The following NR3C2 variants were observed in gnomAD, a reference collection of about 807,000 sequenced individuals.
The protein encoded by NR3C2 is nuclear receptor subfamily 3 group C member 2.
In NR3C2, 15 loss-of-function variants were observed where a neutral mutation model predicts 86.4. The ratio of observed to expected loss-of-function variants is 0.17; its 90% CI spans 0.12 to 0.27. NR3C2 has a LOEUF of 0.27. Ranked by LOEUF, NR3C2 falls within the 10% of genes least tolerant of loss-of-function variation. NR3C2 has a pLI of 1.00. For missense variants in NR3C2, 960 were observed against 1,195.6 expected (o/e 0.80, Z 2.91); for synonymous variants, 458 against 450.5 (o/e 1.02, Z -0.21).
intron 2 of NR3C2, among the ~76,000 whole-genome samples, chr4:148,395,684 T>C (rs570296487): frequency 1.3e-5 from 2 of 152,298 alleles, no homozygotes; most frequent in Non-Finnish European, 2.9e-5. Flanking sequence ...TCCAAACTCA[T>C]GACAGAGTAA....
chr4:148,128,515 A>G (rs1732859485), intron 6 of NR3C2, among the ~76,000 whole-genome samples: 1 of 152,228 alleles, frequency 6.6e-6, no homozygotes, highest in Non-Finnish European at 1.5e-5. Flanking sequence ...TTGAGTCTAA[A>G]CACCTTCACG....
At chr4:148,090,840 T>C (rs1731027597) in intron 8 of NR3C2, among the ~76,000 whole-genome samples, 1 of 152,220 alleles carries the variant, frequency 6.6e-6, no homozygotes, top group South Asian at 2.1e-4. Context: ...TCCCCAGTCA[T>C]GAGGGCTTCT....
At chr4:148,188,945 T>G (rs951927659) in intron 4 of NR3C2, among the ~76,000 whole-genome samples, 1 of 150,844 alleles carries the variant, frequency 6.6e-6, no homozygotes, top group Admixed American at 6.6e-5. Flanking sequence ...TTTTTTTTTT[T>G]GAGATGGAAT....
chr4:148,328,448 C>T (rs1744068498), intron 2 of NR3C2, among the ~76,000 whole-genome samples: 1 of 152,166 alleles, frequency 6.6e-6, no homozygotes, highest in Non-Finnish European at 1.5e-5. Context: ...AGCCAAAGCC[C>T]TGACTTTCAA....
intron 2 of NR3C2, among the ~76,000 whole-genome samples, chr4:148,359,956 G>A (rs1269210184): frequency 6.6e-6 from 1 of 152,182 alleles, no homozygotes; most frequent in African/African-American, 2.4e-5. Flanking sequence ...TAAGGAATTG[G>A]TGCATAGTGG....
chr4:148,241,169 G>A (rs1316553013), intron 3 of NR3C2, among the ~76,000 whole-genome samples: 1 of 151,564 alleles, frequency 6.6e-6, no homozygotes, highest in East Asian at 1.9e-4. Flanking sequence ...AGCTAGGCAT[G>A]GTGGCGCACA....
chr4:148,414,440 T>A (rs1424652656), intron 2 of NR3C2, among the ~76,000 whole-genome samples: 1 of 152,176 alleles, frequency 6.6e-6, no homozygotes, highest in Non-Finnish European at 1.5e-5. Context: ...ATAATTTTGC[T>A]TTTGTTAATT....
chr4:148,286,698 A>G (rs1160129470), intron 2 of NR3C2, among the ~76,000 whole-genome samples: 3 of 152,196 alleles, frequency 2.0e-5, no homozygotes, highest in African/African-American at 4.8e-5. Context: ...AGCCTTTTTT[A>G]AGGCAAGGGA....
At chr4:148,249,982 T>C (rs1298654401) in intron 3 of NR3C2, among the ~76,000 whole-genome samples, 1 of 152,160 alleles carries the variant, frequency 6.6e-6, no homozygotes, top group East Asian at 1.9e-4. Context: ...TGTGCAAAGG[T>C]AATTTTACGA....
chr4:148,080,803 C>T lies in NR3C2; in HGVS notation c.*541G>A, dbSNP rs1166060943. On this transcript the variant is annotated 3_prime_UTR_variant, in exon 9 of 9. Transcript: ENST00000358102. ...GCAGAAGACCGTGGACGAGCGAGGG[C>T]TCAGAGGCAGCTGCTGCCCCACGCC... is the stretch of plus-strand genomic sequence containing the variant. 2.3e-6 allele frequency: 1 copy of T among 426,902 alleles called. No individual in the cohort carries two copies. The highest frequency in any genetic ancestry group is 4.8e-6 in the Non-Finnish European group (1 of 207,460). The allele number at this position is 426,902 out of a possible 1,614,324, so 26.4% of individuals were successfully genotyped here.
intron 4 of NR3C2, among the ~76,000 whole-genome samples, chr4:148,159,940 A>G (rs1461512042): frequency 2.0e-5 from 3 of 152,218 alleles, no homozygotes; most frequent in Admixed American, 6.5e-5. Context: ...CCAGGTGGCC[A>G]GACCCAAACA....
intron 6 of NR3C2, among the ~76,000 whole-genome samples, chr4:148,135,461 T>C (rs992451571): frequency 6.6e-6 from 1 of 152,166 alleles, no homozygotes; most frequent in Non-Finnish European, 1.5e-5. Context: ...TTACCACACA[T>C]TGAACCTGCT....
chr4:148,250,332 C>A (rs1397439512), intron 3 of NR3C2, among the ~76,000 whole-genome samples: 2 of 152,154 alleles, frequency 1.3e-5, no homozygotes, highest in African/African-American at 4.8e-5. Context: ...CAGAAATTTT[C>A]TGCCTTCTCA....
chr4:148,367,086 T>C (rs994405425), intron 2 of NR3C2, among the ~76,000 whole-genome samples: 1 of 152,208 alleles, frequency 6.6e-6, no homozygotes, highest in Non-Finnish European at 1.5e-5. Flanking sequence ...TTATCACTTC[T>C]AGGTTTGCCC....
intron 6 of NR3C2, among the ~76,000 whole-genome samples, chr4:148,127,487 A>G (rs1422581176): frequency 6.6e-6 from 1 of 152,250 alleles, no homozygotes; most frequent in Non-Finnish European, 1.5e-5. Context: ...AAGTAAATCC[A>G]TGACCAAAAG....
At chr4:148,273,472 AT>A (rs1046973678) in intron 2 of NR3C2, among the ~76,000 whole-genome samples, 1 of 152,280 alleles carries the variant, frequency 6.6e-6, no homozygotes, top group South Asian at 2.1e-4. Context: ...TGGTCGCTAA[AT>A]TTTTTTATAT....
chr4:148,433,839 A>T (rs1749912034), intron 2 of NR3C2, among the ~76,000 whole-genome samples: 1 of 152,222 alleles, frequency 6.6e-6, no homozygotes, highest in South Asian at 2.1e-4. Flanking sequence ...GATGGCAGCC[A>T]TGCTATCTCA....
At chr4:148,223,585 G>A (rs897984391) in intron 3 of NR3C2, among the ~76,000 whole-genome samples, 2 of 152,148 alleles carry the variant, frequency 1.3e-5, no homozygotes, top group South Asian at 2.1e-4. Context: ...AGAAGTATTG[G>A]TAAAATACCA....
chr4:148,091,521 G>A (rs1731060598), intron 8 of NR3C2, among the ~76,000 whole-genome samples: 1 of 152,232 alleles, frequency 6.6e-6, no homozygotes, highest in African/African-American at 2.4e-5. Flanking sequence ...CAGGAGAGCT[G>A]GGTGAGATTC....
Sources: gnomAD v4.1 joint callset for allele counts (sites outside exome capture counted in the v4.1 genomes callset) on GRCh38, gnomAD v4.1.1 for gene constraint, MANE v1.5 for transcripts, NCBI Gene and HGNC (gene_info 2026-07-23, HGNC 2026-07-21) for gene names.